The following RTN4 variants were observed in gnomAD, a reference collection of about 807,000 sequenced individuals.
RTN4 encodes reticulon 4, also known as reticulon-4.
A neutral mutation model predicts 90.4 loss-of-function variants in RTN4; 32 were observed. The ratio of observed to expected loss-of-function variants is 0.35; its 90% CI spans 0.27 to 0.48. RTN4 has a LOEUF of 0.48. Ranked by LOEUF, RTN4 falls within the 20% of genes least tolerant of loss-of-function variation. The pLI is 0.99. For synonymous variants in RTN4, 629 were observed against 552.5 expected, an observed-to-expected ratio of 1.14 and a Z score of -1.94; for missense variants, 1,706 against 1,430.2, an observed-to-expected ratio of 1.19 and a Z score of -3.11.
At chr2:55,066,234 G>A (rs1283822594) in intron 2 of RTN4, among the ~76,000 whole-genome samples, 6 of 148,842 alleles carry the variant, frequency 4.0e-5, no homozygotes, top group Non-Finnish European at 1.5e-5. Flanking sequence ...TGTTTTAATA[G>A]CTACATGTTT....
intron 1 of RTN4, among the ~76,000 whole-genome samples, chr2:55,085,275 A>G (rs1668815234): frequency 6.6e-6 from 1 of 152,118 alleles, no homozygotes; most frequent in Non-Finnish European, 1.5e-5. Context: ...AGTGTGTAAT[A>G]GGTGTGTGTG....
At chr2:54,976,127 TG>T (rs1444539668) in intron 5 of RTN4, among the ~76,000 whole-genome samples, 3 of 152,240 alleles carry the variant, frequency 2.0e-5, no homozygotes, top group African/African-American at 7.2e-5. Context: ...GGAAAAGTGT[TG>T]ACCTTCCATA....
the RTN4 span, among the ~76,000 whole-genome samples, chr2:55,129,243 C>T: frequency 6.6e-6 from 1 of 151,736 alleles, no homozygotes; most frequent in Non-Finnish European, 1.5e-5. Flanking sequence ...CATATAAATA[C>T]ACTTAAATAC....
At chr2:55,101,235 T>G (rs1667847974) in intron 1 of RTN4, among the ~76,000 whole-genome samples, 1 of 152,116 alleles carries the variant, frequency 6.6e-6, no homozygotes, top group South Asian at 2.1e-4. Flanking sequence ...ATCATTGTCT[T>G]TTCCTACATA....
chr2:54,982,711 C>A, intron 4 of RTN4, 58 bp from the exon 5 acceptor site: 1 of 1,511,736 alleles, frequency 6.6e-7, no homozygotes, highest in South Asian at 1.3e-5. Context: ...CCCTAAATGT[C>A]AATCAGAAAT....
the RTN4 span, among the ~76,000 whole-genome samples, chr2:55,131,350 A>C: frequency 6.6e-6 from 1 of 152,012 alleles, no homozygotes; most frequent in African/African-American, 2.4e-5. Context: ...CTGGGACTAC[A>C]GGCATGCACC....
Position 54,981,147 on chromosome 2 carries a change from A to C in RTN4, c.3360+1368T>G, listed in dbSNP as rs1678086109. ...ATTATTTACCCTTGATGTTATTAGGAAGTAACTTAAGTTCCAAGTCATAAA... is the reference window on the plus strand; with the variant it reads ...ATTATTTACCCTTGATGTTATTAGGCAGTAACTTAAGTTCCAAGTCATAAA... On this transcript the variant is annotated intron_variant, in intron 5 of 8. Transcript: ENST00000337526. Among the ~76,000 whole-genome samples, 3 of 152,226 alleles carry C rather than the reference A, an allele frequency of 2.0e-5. No individual in the cohort carries two copies. The South Asian group carries it at 6.2e-4, about 32-fold the overall frequency.
intron 3 of RTN4, among the ~76,000 whole-genome samples, chr2:55,002,100 C>T (rs901013474): frequency 2.0e-5 from 3 of 151,710 alleles, no homozygotes; most frequent in African/African-American, 7.3e-5. Flanking sequence ...CCTCTGTCAC[C>T]CAGGCTGGAG....
chr2:55,097,382 T>A (rs996974576), intron 1 of RTN4, among the ~76,000 whole-genome samples: 1 of 151,928 alleles, frequency 6.6e-6, no homozygotes, highest in Admixed American at 6.6e-5. Context: ...AGCCTGGTAA[T>A]TCTGCATTTG....
At chr2:55,088,647 G>C (rs1291105619) in intron 1 of RTN4, among the ~76,000 whole-genome samples, 3 of 152,198 alleles carry the variant, frequency 2.0e-5, no homozygotes, top group Non-Finnish European at 4.4e-5. Flanking sequence ...ACATACATTG[G>C]AGCTTTCCTC....
chr2:55,084,410 G>A (rs1668799519), intron 1 of RTN4, among the ~76,000 whole-genome samples: 1 of 151,504 alleles, frequency 6.6e-6, no homozygotes, highest in Non-Finnish European at 1.5e-5. Context: ...GAAATTGCTG[G>A]GATTACAGGT....
intron 1 of RTN4, chr2:55,049,318 G>A (rs1480036206): frequency 3.7e-6 from 1 of 268,558 alleles, no homozygotes; most frequent in Non-Finnish European, 6.0e-6. Context: ...GAGCAACCCA[G>A]ACGGGTAGAC....
chr2:55,047,572 T>C (rs1667828868), intron 1 of RTN4, among the ~76,000 whole-genome samples: 1 of 24,992 alleles, frequency 4.0e-5, no homozygotes, highest in East Asian at 1.3e-3. Flanking sequence ...AGAAGTGAAT[T>C]GAGAAAAAAA....
intron 2 of RTN4, among the ~76,000 whole-genome samples, chr2:55,075,068 T>A (rs1347227156): frequency 6.6e-6 from 1 of 152,134 alleles, no homozygotes; most frequent in African/African-American, 2.4e-5. Flanking sequence ...GTACTAGAAG[T>A]CCTAGCCAGA....
chr2:54,987,286 T>G (rs896816595), intron 4 of RTN4, among the ~76,000 whole-genome samples: 1 of 152,224 alleles, frequency 6.6e-6, no homozygotes, highest in Non-Finnish European at 1.5e-5. Context: ...TAATGATACA[T>G]AAACAGTCTC....
At chr2:55,024,973 C>A in intron 3 of RTN4, 113 bp downstream of exon 3, 4 of 1,284,006 alleles carry the variant, frequency 3.1e-6, no homozygotes, top group Non-Finnish European at 4.3e-6. Context: ...AGACTTCTTA[C>A]CAATGTGACA....
rs775000894 is a variant in RTN4, at chr2:55,026,217, C to T, written c.1882G>A (p.Gly628Ser). 5.0e-6 allele frequency: 8 copies of T among 1,613,684 alleles called. No homozygotes were observed. The highest frequency in any genetic ancestry group is 6.8e-6 in the Non-Finnish European group (8 of 1,179,864). Residue 628 changes from glycine to serine, a missense_variant, in exon 3 of 9, where the codon GGT (glycine) becomes AGT (serine). Physicochemically the swap from Gly to Ser is moderately conservative, Grantham distance 56. Transcript: ENST00000337526. ...APLNSAVPSAGASVIQPSSSP... is the reference protein window; with the variant it reads ...APLNSAVPSASASVIQPSSSP... Reference sequence around the variant, plus strand: ...GAGCTGGGCTGTATCACGGAAGCACCAGCACTAGGAACTGCAGAATTCAAT... The same window carrying T: ...GAGCTGGGCTGTATCACGGAAGCACTAGCACTAGGAACTGCAGAATTCAAT...
At chr2:55,081,626 G>A (rs183273011) in intron 1 of RTN4, among the ~76,000 whole-genome samples, 94 of 152,202 alleles carry the variant, frequency 6.2e-4, no homozygotes, top group Middle Eastern at 3.4e-3. Context: ...CATTTTGGAG[G>A]CCAAGGCAGG....
intron 1 of RTN4, among the ~76,000 whole-genome samples, chr2:55,086,919 C>A (rs1378766915): frequency 6.6e-6 from 1 of 151,878 alleles, no homozygotes; most frequent in Non-Finnish European, 1.5e-5. Flanking sequence ...CTGAGCCTCC[C>A]AAAGTGCCGG....
Sources: gnomAD v4.1 joint callset for allele counts (sites outside exome capture counted in the v4.1 genomes callset) on GRCh38, gnomAD v4.1.1 for gene constraint, MANE v1.5 for transcripts, NCBI Gene and HGNC (gene_info 2026-07-23, HGNC 2026-07-21) for gene names.